Variants in ASTN2 observed in about 807,000 individuals in gnomAD.
ASTN2 encodes the protein astrotactin-2.
Under a neutral mutation model 139.8 loss-of-function variants are expected in ASTN2, and 54 were observed. The observed-to-expected ratio is 0.39, with a 90% CI of 0.31 to 0.48. The LOEUF (loss-of-function observed/expected upper bound fraction) is 0.48. Ranked by LOEUF, ASTN2 falls within the 20% of genes least tolerant of loss-of-function variation. The probability of loss-of-function intolerance (pLI) is 0.95; values close to 1 mark genes in which losing one functional copy is unlikely to be tolerated. For synonymous variants in ASTN2, 756 were observed against 719.5 expected (o/e 1.05, Z -0.81); for missense variants, 1,565 against 1,725.1 (o/e 0.91, Z 1.64).
chr9:116,931,402 G>A (rs1293017742), intron 10 of ASTN2, among the ~76,000 whole-genome samples: 1 of 152,162 alleles, frequency 6.6e-6, no homozygotes, highest in Non-Finnish European at 1.5e-5. Context: ...TCTCATGGGG[G>A]AAGACATGAA....
intron 10 of ASTN2, among the ~76,000 whole-genome samples, chr9:116,893,050 A>G (rs1389683373): frequency 1.3e-5 from 2 of 151,772 alleles, no homozygotes; most frequent in South Asian, 4.2e-4. Flanking sequence ...AATTTATCAC[A>G]CTTATTATTT....
intron 1 of ASTN2, among the ~76,000 whole-genome samples, chr9:117,372,842 C>T (rs1830023617): frequency 6.6e-6 from 1 of 152,054 alleles, no homozygotes; most frequent in Admixed American, 6.5e-5. Context: ...ATTCCTCAAG[C>T]AGATTCTTGT....
At chr9:116,472,271 C>A (rs553687538) in intron 20 of ASTN2, among the ~76,000 whole-genome samples, 16 of 152,246 alleles carry the variant, frequency 1.1e-4, no homozygotes, top group Admixed American at 2.0e-4. Context: ...TACCTCCCTG[C>A]CTTCATTTCA....
intron 17 of ASTN2, among the ~76,000 whole-genome samples, chr9:116,632,779 A>G (rs1406304636): frequency 6.6e-6 from 1 of 152,210 alleles, no homozygotes; most frequent in Non-Finnish European, 1.5e-5. Flanking sequence ...ATTTCCCAGC[A>G]GAATTCAAAA....
At chr9:116,747,407 T>G (rs1192047989) in intron 13 of ASTN2, among the ~76,000 whole-genome samples, 20 of 152,206 alleles carry the variant, frequency 1.3e-4, no homozygotes. Flanking sequence ...CCGATGCTGG[T>G]TGAATGTCTT....
chr9:117,124,392 A>G (rs1294047458), intron 4 of ASTN2, among the ~76,000 whole-genome samples: 1 of 152,184 alleles, frequency 6.6e-6, no homozygotes, highest in Non-Finnish European at 1.5e-5. Context: ...ATAACAGGAA[A>G]AAAGATATGA....
At chr9:116,547,857 C>A (rs944896801) in intron 19 of ASTN2, among the ~76,000 whole-genome samples, 2 of 152,144 alleles carry the variant, frequency 1.3e-5, no homozygotes, top group Non-Finnish European at 2.9e-5. Context: ...AGCTGAGGTT[C>A]TGTGTCCCAT....
chr9:117,025,164 G>A (rs568743656), intron 6 of ASTN2, among the ~76,000 whole-genome samples: 1 of 152,234 alleles, frequency 6.6e-6, no homozygotes, highest in African/African-American at 2.4e-5. Flanking sequence ...ATGCTGCAAA[G>A]AAACAAAACA....
At chr9:117,031,102 G>A (rs886808959) in intron 6 of ASTN2, among the ~76,000 whole-genome samples, 15 of 152,212 alleles carry the variant, frequency 9.9e-5, no homozygotes, top group Non-Finnish European at 1.6e-4. Flanking sequence ...CTGGGCTCTG[G>A]GATGAAGCTT....
chr9:117,202,985 T>C (rs1831778183), intron 3 of ASTN2, among the ~76,000 whole-genome samples: 1 of 151,974 alleles, frequency 6.6e-6, no homozygotes, highest in Non-Finnish European at 1.5e-5. Flanking sequence ...CAATTGTAGG[T>C]TTGGTCTTTT....
At chr9:116,720,665 A>G (rs1029294265) in intron 16 of ASTN2, among the ~76,000 whole-genome samples, 1 of 151,984 alleles carries the variant, frequency 6.6e-6, no homozygotes, top group Non-Finnish European at 1.5e-5. Context: ...ATTCTTTCAC[A>G]TACACACATC....
At chr9:116,631,746 A>C (rs1394866371) in intron 17 of ASTN2, among the ~76,000 whole-genome samples, 1 of 152,236 alleles carries the variant, frequency 6.6e-6, no homozygotes, top group African/African-American at 2.4e-5. Context: ...AAAAAAGGAA[A>C]AAAGATAAAT....
chr9:116,660,667 C>T (rs1199952142), intron 16 of ASTN2, among the ~76,000 whole-genome samples: 1 of 152,116 alleles, frequency 6.6e-6, no homozygotes, highest in African/African-American at 2.4e-5. Flanking sequence ...TTGAAACCTG[C>T]CTGATGCTTT....
At chr9:116,892,963 C>G (rs1833799412) in intron 10 of ASTN2, among the ~76,000 whole-genome samples, 1 of 152,232 alleles carries the variant, frequency 6.6e-6, no homozygotes, top group East Asian at 1.9e-4. Context: ...TTTTATCTGG[C>G]AATTCTATCC....
At chr9:116,696,237 A>G (rs748277314) in intron 16 of ASTN2, among the ~76,000 whole-genome samples, 6 of 152,136 alleles carry the variant, frequency 3.9e-5, no homozygotes, top group East Asian at 3.8e-4. Context: ...CTGTTACTCT[A>G]TTCCCCATAT....
chr9:116,818,433 C>T (rs1417259270), intron 12 of ASTN2, among the ~76,000 whole-genome samples: 2 of 152,164 alleles, frequency 1.3e-5, no homozygotes, highest in African/African-American at 4.8e-5. Flanking sequence ...ATTTGCATTC[C>T]TAATAGACAG....
chr9:116,547,611 T>A (rs1415391608), intron 19 of ASTN2: 1 of 152,292 alleles, frequency 6.6e-6, no homozygotes, highest in Admixed American at 6.5e-5. Context: ...AAACCAATCA[T>A]TTTTACCCCA....
intron 10 of ASTN2, among the ~76,000 whole-genome samples, chr9:116,880,560 T>C (rs907839953): frequency 3.3e-5 from 5 of 152,182 alleles, no homozygotes; most frequent in African/African-American, 9.6e-5. Flanking sequence ...GCAAATGACC[T>C]CCCACCTCAG....
At chr9:116,714,515 T>A (rs1281162810) in intron 16 of ASTN2, among the ~76,000 whole-genome samples, 3 of 152,230 alleles carry the variant, frequency 2.0e-5, no homozygotes. Flanking sequence ...GTAATCACTT[T>A]ACAAACATCA....
Sources: gnomAD v4.1 joint callset for allele counts (sites outside exome capture counted in the v4.1 genomes callset) on GRCh38, gnomAD v4.1.1 for gene constraint, MANE v1.5 for transcripts, NCBI Gene and HGNC (gene_info 2026-07-23, HGNC 2026-07-21) for gene names.